GALK2: variants seen among roughly 807,000 people sequenced by gnomAD.
GALK2 encodes N-acetylgalactosamine kinase.
Under a neutral mutation model 52.4 loss-of-function variants are expected in GALK2, and 36 were observed. The ratio of observed to expected loss-of-function variants is 0.69; its 90% CI spans 0.53 to 0.91. GALK2 has a LOEUF of 0.91. GALK2 is among the 40% of genes least tolerant of loss of function. GALK2 has a pLI of 0.00. For synonymous variants in GALK2, 176 were observed against 199.1 expected, an observed-to-expected ratio of 0.88 and a Z score of 0.98; for missense variants, 579 against 559.1, an observed-to-expected ratio of 1.04 and a Z score of -0.36.
chr15:49,284,888 TCCTCG>T (rs2033166006), intron 7 of GALK2, among the ~76,000 whole-genome samples: 1 of 152,150 alleles, frequency 6.6e-6, no homozygotes, highest in South Asian at 2.1e-4. Flanking sequence ...TTTAACTTGT[TCCTCG>T]CCTCTATTTC....
chr15:49,269,899 T>G (rs1173824164), intron 5 of GALK2, among the ~76,000 whole-genome samples: 1 of 152,252 alleles, frequency 6.6e-6, no homozygotes. Context: ...CTTTTGATAG[T>G]AGAATCCTTT....
intron 5 of GALK2, among the ~76,000 whole-genome samples, chr15:49,247,377 T>A (rs1337734525): frequency 6.6e-6 from 1 of 152,036 alleles, no homozygotes; most frequent in Non-Finnish European, 1.5e-5. Context: ...GATTAAGTTC[T>A]TTTACCTGGG....
intron 5 of GALK2, among the ~76,000 whole-genome samples, chr15:49,269,958 A>G (rs2030169836): frequency 6.6e-6 from 1 of 152,220 alleles, no homozygotes; most frequent in African/African-American, 2.4e-5. Context: ...TCTCTAAGCC[A>G]CACATCCACT....
intron 5 of GALK2, among the ~76,000 whole-genome samples, chr15:49,263,036 G>T (rs368488392): frequency 2.8e-5 from 4 of 141,198 alleles, no homozygotes; most frequent in Admixed American, 6.9e-5. Context: ...TGAAAAAAAT[G>T]TATATTCTGT....
At chr15:49,311,416 C>T (rs1374577842) in intron 8 of GALK2, among the ~76,000 whole-genome samples, 1 of 152,226 alleles carries the variant, frequency 6.6e-6, no homozygotes, top group Non-Finnish European at 1.5e-5. Context: ...TTGATTTTCT[C>T]TCCTGTTACA....
At chr15:49,338,437 A>G (rs1353127119) in intron 3 of GALK2, among the ~76,000 whole-genome samples, 4 of 152,178 alleles carry the variant, frequency 2.6e-5, no homozygotes, top group Non-Finnish European at 5.9e-5. Context: ...TTTCTTTAAG[A>G]ATGTTGAATA....
chr15:49,300,392 T>C (rs925124207), intron 8 of GALK2, among the ~76,000 whole-genome samples: 2 of 152,104 alleles, frequency 1.3e-5, no homozygotes, highest in Non-Finnish European at 2.9e-5. Context: ...TTTATCCCAC[T>C]CATCACTCTG....
At chr15:49,360,632 T>A (rs2044051454) in intron 3 of GALK2, among the ~76,000 whole-genome samples, 2 of 152,136 alleles carry the variant, frequency 1.3e-5, no homozygotes, top group African/African-American at 4.8e-5. Flanking sequence ...ATTCTGCAGT[T>A]TAAAGATATA....
chr15:49,248,654 G>A (rs1447204222), intron 5 of GALK2, among the ~76,000 whole-genome samples: 5 of 152,104 alleles, frequency 3.3e-5, no homozygotes, highest in Non-Finnish European at 7.4e-5. Context: ...GAGATCCTCT[G>A]GTTGTATCCT....
chr15:49,283,441 C>A (rs2032979886), intron 6 of GALK2, 125 bp from the exon 7 acceptor site: 2 of 805,382 alleles, frequency 2.5e-6, no homozygotes, highest in Admixed American at 2.6e-5. Flanking sequence ...GCCTGGAGGT[C>A]AATAAGTAAT....
At chr15:49,346,536 C>T (rs2041531183) in intron 3 of GALK2, among the ~76,000 whole-genome samples, 1 of 152,118 alleles carries the variant, frequency 6.6e-6, no homozygotes, top group Admixed American at 6.5e-5. Context: ...TAAATCTTTT[C>T]TCTTTTGCAA....
chr15:49,258,876 G>C (rs576934911), intron 5 of GALK2, among the ~76,000 whole-genome samples: 1 of 147,946 alleles, frequency 6.8e-6, no homozygotes, highest in Admixed American at 6.8e-5. Context: ...TTGTGGTTTT[G>C]ATTTGCATTT....
At chr15:49,366,056 TCCC>T in intron 3 of GALK2, 1 of 818,282 alleles carries the variant, frequency 1.2e-6, no homozygotes, top group Admixed American at 1.7e-5. Flanking sequence ...TCCTTTTTTT[TCCC>T]TCATTTATCT....
chr15:49,174,265 A>G (rs2085295255), intron 1 of GALK2, among the ~76,000 whole-genome samples: 1 of 152,184 alleles, frequency 6.6e-6, no homozygotes. Context: ...CAAAGGTAAT[A>G]AACATTTAAA....
intron 8 of GALK2, among the ~76,000 whole-genome samples, chr15:49,298,568 T>C (rs772394871): frequency 1.3e-5 from 2 of 152,188 alleles, no homozygotes; most frequent in Admixed American, 1.3e-4. Context: ...TGGCTCTTAT[T>C]ATTTTGAGGT....
chr15:49,308,107 T>C (rs1397849494), intron 8 of GALK2, among the ~76,000 whole-genome samples: 2 of 152,186 alleles, frequency 1.3e-5, no homozygotes, highest in Non-Finnish European at 2.9e-5. Context: ...ATTCAAGTGT[T>C]TTTCAATTAT....
intron 1 of GALK2, among the ~76,000 whole-genome samples, chr15:49,158,543 G>A (rs1313491058): frequency 1.3e-5 from 2 of 152,020 alleles, no homozygotes; most frequent in African/African-American, 4.8e-5. Flanking sequence ...TTATTTCTGA[G>A]CCATCTTTAT....
chr15:49,180,339 GGGAGT>G (rs2085862396), intron 1 of GALK2, among the ~76,000 whole-genome samples: 1 of 152,140 alleles, frequency 6.6e-6, no homozygotes, highest in Admixed American at 6.5e-5. Flanking sequence ...CCAGCAAAGT[GGGAGT>G]TGTACTTATT....
Position 49,341,460 on chromosome 15 carries a change from A to T in GALK2, c.426+21655A>T, listed in dbSNP as rs544625257. On this transcript the variant is annotated intron_variant, in intron 3 of 3. Transcript: ENST00000558399. ...GAATTTTCTAGTTTTCTTTGTAGAGATCTTGCACCTCCTGGGTTAGATGTA... is the reference window on the plus strand; with the variant it reads ...GAATTTTCTAGTTTTCTTTGTAGAGTTCTTGCACCTCCTGGGTTAGATGTA... Among the ~76,000 whole-genome samples, 5 of 152,066 alleles carry T rather than the reference A, an allele frequency of 3.3e-5. No homozygotes were observed. The East Asian group carries it at 7.7e-4, about 24-fold the overall frequency.
Sources: gnomAD v4.1 joint callset for allele counts (sites outside exome capture counted in the v4.1 genomes callset) on GRCh38, gnomAD v4.1.1 for gene constraint, MANE v1.5 for transcripts, NCBI Gene and HGNC (gene_info 2026-07-23, HGNC 2026-07-21) for gene names.